The following NXPE2 variants were observed in gnomAD, a reference collection of about 807,000 sequenced individuals.
NXPE2 encodes neurexophilin and PC-esterase domain family member 2.
In NXPE2, 34 loss-of-function variants were observed where a neutral mutation model predicts 34.4. That is an observed-to-expected ratio of 0.99 (90% CI 0.75 to 1.31). NXPE2 has a LOEUF of 1.31. Ranked by LOEUF, NXPE2 falls within the 40% of genes most tolerant of loss-of-function variation. The pLI is 0.00. For synonymous variants in NXPE2, 235 were observed against 231.3 expected, an observed-to-expected ratio of 1.02 and a Z score of -0.15; for missense variants, 649 against 672.5, an observed-to-expected ratio of 0.97 and a Z score of 0.39.
chr11:114,577,090 T>C, the NXPE2 span, among the ~76,000 whole-genome samples: 2 of 140,410 alleles, frequency 1.4e-5, no homozygotes, highest in South Asian at 2.2e-4. Context: ...TATATACATA[T>C]ATATATAAAG....
At chr11:114,617,772 G>A in the NXPE2 span, among the ~76,000 whole-genome samples, 1 of 152,124 alleles carries the variant, frequency 6.6e-6, no homozygotes, top group Non-Finnish European at 1.5e-5. Context: ...TGGATAATAA[G>A]TGTTGCCTTG....
the NXPE2 span, among the ~76,000 whole-genome samples, chr11:114,748,212 G>A: frequency 1.4e-4 from 21 of 152,144 alleles, no homozygotes; most frequent in South Asian, 1.2e-3. Context: ...AAAATTTGCA[G>A]GTATGGTACA....
At chr11:114,777,757 AT>A in the NXPE2 span, among the ~76,000 whole-genome samples, 1 of 152,218 alleles carries the variant, frequency 6.6e-6, no homozygotes, top group African/African-American at 2.4e-5. Context: ...CAAGACTGCC[AT>A]CTGCTACCTG....
the NXPE2 span, among the ~76,000 whole-genome samples, chr11:114,798,303 G>T: frequency 6.6e-6 from 1 of 152,100 alleles, no homozygotes; most frequent in Non-Finnish European, 1.5e-5. Context: ...CAGGAAAATT[G>T]GACAAACTTT....
chr11:114,618,809 C>T, the NXPE2 span, among the ~76,000 whole-genome samples: 1 of 151,880 alleles, frequency 6.6e-6, no homozygotes, highest in Non-Finnish European at 1.5e-5. Flanking sequence ...CAGTGTTACC[C>T]AGTGGATAGT....
At chr11:114,604,543 C>T in the NXPE2 span, among the ~76,000 whole-genome samples, 1 of 151,934 alleles carries the variant, frequency 6.6e-6, no homozygotes, top group Admixed American at 6.6e-5. Flanking sequence ...TAAGTATTTC[C>T]TTGTGGATAA....
chr11:114,809,410 GT>G, the NXPE2 span, among the ~76,000 whole-genome samples: 1 of 151,220 alleles, frequency 6.6e-6, no homozygotes, highest in Non-Finnish European at 1.5e-5. Flanking sequence ...AATTGTCCCT[GT>G]TTGCAGATGA....
the NXPE2 span, among the ~76,000 whole-genome samples, chr11:114,504,181 A>G: frequency 6.6e-6 from 1 of 152,190 alleles, no homozygotes; most frequent in Non-Finnish European, 1.5e-5. Context: ...GCAGTGCAGT[A>G]TGCAACCCCC....
At chr11:114,773,288 C>CGCCG in the NXPE2 span, among the ~76,000 whole-genome samples, 4 of 95,908 alleles carry the variant, frequency 4.2e-5, no homozygotes, top group Admixed American at 2.4e-4. Flanking sequence ...CACCCCCCCC[C>CGCCG]CACCCCATTC....
At chr11:114,600,370 T>C in the NXPE2 span, among the ~76,000 whole-genome samples, 1 of 152,144 alleles carries the variant, frequency 6.6e-6, no homozygotes, top group African/African-American at 2.4e-5. Context: ...TAGTTATACA[T>C]GAAATGACCC....
At chr11:114,634,631 A>G in the NXPE2 span, among the ~76,000 whole-genome samples, 4 of 151,910 alleles carry the variant, frequency 2.6e-5, no homozygotes, top group African/African-American at 4.8e-5. Flanking sequence ...ATTTTGAATT[A>G]ATTTTTGTAT....
the NXPE2 span, among the ~76,000 whole-genome samples, chr11:114,733,691 T>C: frequency 9.2e-5 from 14 of 152,172 alleles, no homozygotes; most frequent in Non-Finnish European, 1.9e-4. Flanking sequence ...CAAATGAAAA[T>C]GGGGTGTGAT....
the NXPE2 span, among the ~76,000 whole-genome samples, chr11:114,649,959 T>C: frequency 6.6e-6 from 1 of 152,208 alleles, no homozygotes; most frequent in Admixed American, 6.5e-5. Context: ...GGATGAATTA[T>C]ATTATATGTA....
the NXPE2 span, among the ~76,000 whole-genome samples, chr11:114,495,303 C>A: frequency 2.6e-5 from 4 of 152,058 alleles, no homozygotes; most frequent in Non-Finnish European, 5.9e-5. Context: ...CCTCACAGGG[C>A]AGTGAGTTCT....
chr11:114,482,109 A>G, the NXPE2 span, among the ~76,000 whole-genome samples: 1 of 152,146 alleles, frequency 6.6e-6, no homozygotes, highest in Non-Finnish European at 1.5e-5. Flanking sequence ...GCACGCACAC[A>G]TTTATTGAGT....
At chr11:114,634,447 T>C in the NXPE2 span, among the ~76,000 whole-genome samples, 1 of 152,140 alleles carries the variant, frequency 6.6e-6, no homozygotes, top group South Asian at 2.1e-4. Context: ...TCTTTTGCTG[T>C]GCAGCAGCTC....
chr11:114,706,605 A>T lies in NXPE2; in HGVS notation c.1355A>T (p.Gln452Leu), dbSNP rs1364436546. The T allele has an allele frequency of 6.4e-7, 1 of 1,551,896 alleles. No homozygotes were observed. Among genetic ancestry groups the T allele is most frequent in the Non-Finnish European group, 8.7e-7 (1 of 1,146,988 alleles). ...KNTAIVITLG[Q>L]HFRPFPINIF... ...ACAGCCATTGTCATTACCCTCGGCCAACACTTCAGACCCTTTCCCATCAAC... is the reference window on the plus strand; with the variant it reads ...ACAGCCATTGTCATTACCCTCGGCCTACACTTCAGACCCTTTCCCATCAAC... The change falls in exon 6 of 6, where the codon CAA becomes CTA. Residue 452 changes from glutamine to leucine, a missense_variant. Coordinates refer to ENST00000389586, the MANE Select transcript of NXPE2 (RefSeq NM_182495.6).
the NXPE2 span, among the ~76,000 whole-genome samples, chr11:114,788,712 T>C: frequency 6.6e-6 from 1 of 152,240 alleles, no homozygotes; most frequent in Non-Finnish European, 1.5e-5. Flanking sequence ...AGGCTCTGGT[T>C]CAGGTCCATT....
At chr11:114,597,125 G>A in the NXPE2 span, among the ~76,000 whole-genome samples, 1 of 152,024 alleles carries the variant, frequency 6.6e-6, no homozygotes. Flanking sequence ...GATAGACTCT[G>A]ATTAATTAAG....
Sources: gnomAD v4.1 joint callset for allele counts (sites outside exome capture counted in the v4.1 genomes callset) on GRCh38, gnomAD v4.1.1 for gene constraint, MANE v1.5 for transcripts, NCBI Gene and HGNC (gene_info 2026-07-23, HGNC 2026-07-21) for gene names.